Variants in RPRD2 observed in about 807,000 individuals in gnomAD.
RPRD2 encodes the protein regulation of nuclear pre-mRNA domain-containing protein 2.
RPRD2 carries 12 observed loss-of-function variants against 104.4 expected under a neutral mutation model. That is an observed-to-expected ratio of 0.11 (90% CI 0.07 to 0.19). RPRD2 has a LOEUF of 0.19. Among genes scored for constraint, RPRD2 ranks in the 10% least tolerant of loss-of-function variants. The pLI, the probability that RPRD2 is intolerant of heterozygous loss-of-function variation, is 1.00. For synonymous variants in RPRD2, 714 were observed against 684.9 expected (o/e 1.04, Z -0.66); for missense variants, 1,543 against 1,790.1 (o/e 0.86, Z 2.49).
At chr1:150,460,398 G>A in intron 9 of RPRD2, 81 bp downstream of exon 9, 1 of 972,308 alleles carries the variant, frequency 1.0e-6, no homozygotes. Context: ...TGGGGGGGTT[G>A]TTGTTGTTGT....
chr1:150,425,849 GCCTATAATC>G (rs1665085114), intron 2 of RPRD2, among the ~76,000 whole-genome samples: 1 of 152,044 alleles, frequency 6.6e-6, no homozygotes, highest in Non-Finnish European at 1.5e-5. Flanking sequence ...GGTGGCTCAT[GCCTATAATC>G]CCAGCACTTT....
chr1:150,419,847 C>T (rs947574152), intron 2 of RPRD2, among the ~76,000 whole-genome samples: 7 of 152,100 alleles, frequency 4.6e-5, no homozygotes, highest in African/African-American at 7.2e-5. Context: ...AGGCTGGTCT[C>T]GAACTCCTGA....
chr1:150,434,329 C>G lies in RPRD2; in HGVS notation c.336-6594C>G, dbSNP rs1438497041. Among the ~76,000 whole-genome samples the G allele has an allele frequency of 7.2e-5, 11 of 152,202 alleles. No homozygotes were observed. The East Asian group carries it at 1.9e-3, about 27-fold the overall frequency. On this transcript the variant is annotated intron_variant, in intron 2 of 10. Coordinates refer to ENST00000369068, the MANE Select transcript of RPRD2 (RefSeq NM_015203.5). The stretch of plus-strand genomic sequence containing the variant: ...TGAGATCGTGCAACTGCCCTCCAGC[C>G]TGGGCGGCAGAGCAAGACTGTCTAT...
chr1:150,452,987 C>T (rs587677769), intron 7 of RPRD2, among the ~76,000 whole-genome samples: 2 of 150,124 alleles, frequency 1.3e-5, no homozygotes, highest in South Asian at 4.2e-4. Context: ...CTACTAATTA[C>T]TTTTCTAACA....
At chr1:150,431,359 G>A (rs2102320748) in intron 2 of RPRD2, among the ~76,000 whole-genome samples, 3 of 151,780 alleles carry the variant, frequency 2.0e-5, no homozygotes, top group Admixed American at 2.0e-4. Flanking sequence ...GTTCATAGCA[G>A]CATTATTCAC....
chr1:150,401,667 G>C (rs182659950), intron 1 of RPRD2, among the ~76,000 whole-genome samples: 1 of 146,972 alleles, frequency 6.8e-6, no homozygotes, highest in Admixed American at 7.0e-5. Context: ...TTTTTGAGAC[G>C]GAGTGTCACT....
Position 150,472,717 on chromosome 1 carries a change from C to A in RPRD2, c.3769C>A (p.Pro1257Thr), listed in dbSNP as rs751019523. The change falls in exon 11 of 11, where the codon CCT (proline) becomes ACT (threonine). Residue 1257 changes from proline to threonine, a missense_variant. Physicochemically the swap from Pro to Thr is conservative, Grantham distance 38 (BLOSUM62 -1). Around this residue, in one of 4 missense-constraint regions of RPRD2, gnomAD observed 880 missense variants for 885.6 expected, o/e 0.99. Coordinates refer to ENST00000369068, the MANE Select transcript of RPRD2 (RefSeq NM_015203.5). ...EAALAHAAPPPPPGEHSGIPF... is the reference protein window; with the variant it reads ...EAALAHAAPPTPPGEHSGIPF... The stretch of plus-strand genomic sequence containing the variant: ...AGCCCTGGCCCATGCTGCCCCACCC[C>A]CTCCTCCTGGAGAGCACAGTGGAAT... 3.1e-6 allele frequency: 5 copies of A among 1,613,780 alleles called. No individual in the cohort carries two copies. Among genetic ancestry groups the A allele is most frequent in the Non-Finnish European group, 4.2e-6 (5 of 1,179,676 alleles).
chr1:150,456,660 C>G (rs1667547470), intron 7 of RPRD2, among the ~76,000 whole-genome samples: 1 of 151,354 alleles, frequency 6.6e-6, no homozygotes, highest in Non-Finnish European at 1.5e-5. Flanking sequence ...CACGGTGACT[C>G]AAGCCTGTAA....
chr1:150,462,750 T>A (rs1319863577), intron 9 of RPRD2, among the ~76,000 whole-genome samples: 1 of 152,136 alleles, frequency 6.6e-6, no homozygotes, highest in East Asian at 1.9e-4. Flanking sequence ...AGAGACGGGC[T>A]TTTACCATGT....
chr1:150,370,457 C>A (rs1217709469), intron 1 of RPRD2, among the ~76,000 whole-genome samples: 1 of 151,726 alleles, frequency 6.6e-6, no homozygotes, highest in Non-Finnish European at 1.5e-5. Flanking sequence ...CTGGAAATTA[C>A]ATTCCCAGTT....
At position 150,441,866 on chromosome 1, in the gene RPRD2, T is replaced by C; in HGVS notation, c.437-15T>C. On this transcript the variant is annotated splice_polypyrimidine_tract_variant and intron_variant, in intron 3 of 10. Coordinates refer to ENST00000369068, the MANE Select transcript of RPRD2 (RefSeq NM_015203.5). ...TCCCATAATGCCAGATTGCAAAAACTGAAATGTTTTCCAGGTACCACTTTC... is the reference window on the plus strand; with the variant it reads ...TCCCATAATGCCAGATTGCAAAAACCGAAATGTTTTCCAGGTACCACTTTC... 1 of 1,606,666 alleles carries C rather than the reference T, an allele frequency of 6.2e-7. No individual in the cohort carries two copies. The highest frequency in any genetic ancestry group is 2.2e-5 in the East Asian group (1 of 44,730).
intron 2 of RPRD2, among the ~76,000 whole-genome samples, chr1:150,434,984 G>C (rs1553892822): frequency 6.6e-6 from 1 of 152,142 alleles, no homozygotes; most frequent in African/African-American, 2.4e-5. Context: ...TTTAGAAACT[G>C]AAGGTTTGTA....
intron 4 of RPRD2, 88 bp from the exon 5 acceptor site, chr1:150,443,143 T>G: frequency 1.2e-6 from 1 of 819,770 alleles, no homozygotes; most frequent in South Asian, 1.5e-5. Context: ...ATGTTCAGAG[T>G]ATATCTTTAA....
intron 2 of RPRD2, among the ~76,000 whole-genome samples, chr1:150,435,972 T>C (rs1157505818): frequency 2.6e-5 from 4 of 152,212 alleles, no homozygotes; most frequent in Non-Finnish European, 5.9e-5. Flanking sequence ...ACTGTTCATA[T>C]ACAATTCTGA....
chr1:150,472,209 C>G lies in RPRD2; in HGVS notation c.3261C>G (p.Thr1087=), dbSNP rs1173741924. 1 of 1,613,930 alleles carries G rather than the reference C, an allele frequency of 6.2e-7. No homozygotes were observed. The highest frequency in any genetic ancestry group is 1.1e-5 in the South Asian group (1 of 91,078). ...AAGAAAAGGGGGCCCCTATAGAAAC[C>G]TTGGGTTATCACAGTGCATCCAATA... ...STEEKGAPIE[T]LGYHSASNRR... Residue 1087 remains threonine, a synonymous_variant, in exon 11 of 11, where the codon ACC becomes ACG. Transcript: ENST00000369068.
intron 10 of RPRD2, 70 bp from the exon 11 acceptor site, chr1:150,470,491 T>C: frequency 6.8e-7 from 1 of 1,460,180 alleles, no homozygotes; most frequent in Non-Finnish European, 9.3e-7. Flanking sequence ...AGTATCTGAT[T>C]AGCCTACATT....
intron 1 of RPRD2, among the ~76,000 whole-genome samples, chr1:150,416,426 C>T (rs1560183945): frequency 2.0e-5 from 3 of 151,246 alleles, no homozygotes; most frequent in South Asian, 2.1e-4. Flanking sequence ...TGGAGGTCAC[C>T]GAATGTGAGG....
chr1:150,380,208 A>T (rs1661022794), intron 1 of RPRD2, among the ~76,000 whole-genome samples: 1 of 152,200 alleles, frequency 6.6e-6, no homozygotes, highest in Non-Finnish European at 1.5e-5. Flanking sequence ...TGTTAGAAGG[A>T]CATTTTCTCA....
intron 1 of RPRD2, among the ~76,000 whole-genome samples, chr1:150,376,273 T>C (rs1660682707): frequency 6.6e-6 from 1 of 152,162 alleles, no homozygotes; most frequent in African/African-American, 2.4e-5. Flanking sequence ...CTCTTATAAT[T>C]AATTTCACTT....
Sources: gnomAD v4.1 joint callset for allele counts (sites outside exome capture counted in the v4.1 genomes callset) on GRCh38, gnomAD v4.1.1 for gene constraint, gnomAD v4.1.1 regional missense constraint, MANE v1.5 for transcripts, NCBI Gene and HGNC (gene_info 2026-07-23, HGNC 2026-07-21) for gene names.